The following SDK1 variants were observed in gnomAD, a reference collection of about 807,000 sequenced individuals.
The protein encoded by SDK1 is sidekick cell adhesion molecule 1, also known as protein sidekick-1.
A neutral mutation model predicts 245.5 loss-of-function variants in SDK1; 157 were observed. The observed-to-expected ratio is 0.64, with a 90% CI of 0.56 to 0.73. The LOEUF is 0.73. Among genes scored for constraint, SDK1 ranks in the 30% least tolerant of loss-of-function variants. The probability of loss-of-function intolerance (pLI) is 0.00; values close to 1 mark genes in which losing one functional copy is unlikely to be tolerated. For missense variants in SDK1, 3,583 were observed against 3,002.3 expected (o/e 1.19, Z -4.52); for synonymous variants, 1,647 against 1,278.5 (o/e 1.29, Z -6.15).
chr7:4,043,835 G>C (rs1583923382), intron 17 of SDK1, among the ~76,000 whole-genome samples: 1 of 152,002 alleles, frequency 6.6e-6, no homozygotes, highest in South Asian at 2.1e-4. Context: ...TGAAACCCCA[G>C]AGCTAAACCT....
chr7:3,489,911 A>G (rs1195189933), intron 1 of SDK1, among the ~76,000 whole-genome samples: 7 of 152,176 alleles, frequency 4.6e-5, no homozygotes, highest in Admixed American at 3.9e-4. Context: ...TGTCATGGAG[A>G]AATGATATTG....
chr7:3,957,991 A>G (rs1022192397), intron 7 of SDK1: 2 of 470,650 alleles, frequency 4.2e-6, no homozygotes, highest in African/African-American at 4.0e-5. Flanking sequence ...TTCCCCCTTA[A>G]TCGTTTCTTT....
intron 9 of SDK1, 74 bp from the exon 10 acceptor site, chr7:3,967,244 C>G: frequency 8.6e-7 from 1 of 1,157,896 alleles, no homozygotes; most frequent in Non-Finnish European, 1.3e-6. Flanking sequence ...AAAGCCCGTG[C>G]AGGATACTCT....
chr7:4,252,101 C>T (rs1787338691), intron 44 of SDK1, among the ~76,000 whole-genome samples: 1 of 152,122 alleles, frequency 6.6e-6, no homozygotes, highest in South Asian at 2.1e-4. Flanking sequence ...TACATGTGCA[C>T]AACGTGCAGG....
intron 1 of SDK1, among the ~76,000 whole-genome samples, chr7:3,597,667 G>C (rs1372689735): frequency 1.3e-5 from 2 of 152,138 alleles, no homozygotes; most frequent in African/African-American, 2.4e-5. Context: ...CTTCATTTTG[G>C]TTTGGTCTGG....
intron 2 of SDK1, among the ~76,000 whole-genome samples, chr7:3,621,922 C>T (rs991114119): frequency 1.3e-5 from 2 of 152,060 alleles, no homozygotes; most frequent in Admixed American, 6.5e-5. Flanking sequence ...GTTGAGAAAC[C>T]CTTCTGTTTT....
chr7:3,604,527 T>G (rs990766109), intron 1 of SDK1, among the ~76,000 whole-genome samples: 1 of 152,032 alleles, frequency 6.6e-6, no homozygotes, highest in Non-Finnish European at 1.5e-5. Context: ...ATGCTGTATT[T>G]TCATTGTTTT....
intron 1 of SDK1, among the ~76,000 whole-genome samples, chr7:3,359,969 C>A (rs1038196231): frequency 2.0e-5 from 3 of 152,214 alleles, no homozygotes; most frequent in Admixed American, 6.5e-5. Context: ...AACAGACACA[C>A]TCACAAAGAA....
chr7:4,222,098 C>G (rs1419539469), intron 40 of SDK1, among the ~76,000 whole-genome samples: 1 of 152,146 alleles, frequency 6.6e-6, no homozygotes, highest in Non-Finnish European at 1.5e-5. Flanking sequence ...ATTCAGGAAG[C>G]AAACCATCAA....
At chr7:3,902,654 T>C (rs1052576993) in intron 5 of SDK1, among the ~76,000 whole-genome samples, 2 of 152,218 alleles carry the variant, frequency 1.3e-5, no homozygotes, top group African/African-American at 4.8e-5. Flanking sequence ...ATATATAAAC[T>C]GTTAGTATAG....
chr7:4,219,829 C>T lies in SDK1; in HGVS notation c.5540-280C>T, dbSNP rs1042202746. Among the ~76,000 whole-genome samples, 5 of 150,974 alleles carry T rather than the reference C, an allele frequency of 3.3e-5. No homozygotes were observed. The South Asian group carries it at 6.4e-4, about 19-fold the overall frequency. On this transcript the variant is annotated intron_variant, in intron 38 of 44. Transcript: ENST00000404826. The stretch of plus-strand genomic sequence containing the variant: ...CGCCCCCGCTCCTCCCTCCCCTCCC[C>T]GCTCCTCCTTCATATCATTCCTGAG...
intron 1 of SDK1, among the ~76,000 whole-genome samples, chr7:3,473,250 C>A (rs1009364811): frequency 6.6e-6 from 1 of 152,208 alleles, no homozygotes; most frequent in African/African-American, 2.4e-5. Context: ...AAGCCTTTCA[C>A]TGTACACACT....
At chr7:3,611,385 G>A (rs753006052) in intron 1 of SDK1, among the ~76,000 whole-genome samples, 19 of 151,954 alleles carry the variant, frequency 1.3e-4, no homozygotes, top group Non-Finnish European at 2.4e-4. Context: ...CTCTTGCACC[G>A]CCGCCTCTAG....
intron 1 of SDK1, among the ~76,000 whole-genome samples, chr7:3,357,326 G>GTTTT (rs1780826215): frequency 2.0e-5 from 1 of 50,102 alleles, no homozygotes; most frequent in Non-Finnish European, 4.0e-5. Context: ...CCTTCTTTTA[G>GTTTT]TGTTTTTTTT....
In SDK1 at chr7:3,955,817, C is replaced by A. The variant is rs544550610; in HGVS notation, c.1151-3114C>A. 3.3e-5 allele frequency among the ~76,000 whole-genome samples: 5 copies of A among 152,324 alleles called. No homozygotes were observed. The South Asian group carries it at 1.0e-3, about 32-fold the overall frequency. ...TGCCTCCATTGGGCCTGAGCCTGCACTTTGTCACACTGGCATTTTGGAGAG... is the reference window on the plus strand; with the variant it reads ...TGCCTCCATTGGGCCTGAGCCTGCAATTTGTCACACTGGCATTTTGGAGAG... On this transcript the variant is annotated intron_variant, in intron 7 of 44. Transcript: ENST00000404826.
intron 1 of SDK1, among the ~76,000 whole-genome samples, chr7:3,384,613 G>A (rs532789089): frequency 6.6e-6 from 1 of 152,254 alleles, no homozygotes; most frequent in African/African-American, 2.4e-5. Flanking sequence ...GGACTTCGCT[G>A]ATTTGTGTTC....
chr7:3,388,500 A>C (rs984956820), intron 1 of SDK1, among the ~76,000 whole-genome samples: 10 of 152,130 alleles, frequency 6.6e-5, no homozygotes, highest in African/African-American at 2.4e-4. Flanking sequence ...TCCTAGGCTC[A>C]AGCGATCCCC....
chr7:4,131,698 C>T (rs1784830713), intron 27 of SDK1, among the ~76,000 whole-genome samples: 1 of 152,018 alleles, frequency 6.6e-6, no homozygotes, highest in African/African-American at 2.4e-5. Context: ...TTCAGCAGTT[C>T]CACCACACCT....
chr7:3,998,457 A>C (rs546897787), intron 14 of SDK1, among the ~76,000 whole-genome samples: 1 of 152,362 alleles, frequency 6.6e-6, no homozygotes, highest in East Asian at 1.9e-4. Context: ...TTTTATTTCT[A>C]AGCAAATTAT....
Sources: allele counts gnomAD v4.1 joint callset (sites outside exome capture counted in the v4.1 genomes callset), GRCh38; gene constraint gnomAD v4.1.1; transcripts MANE v1.5; gene names NCBI Gene and HGNC (gene_info 2026-07-23, HGNC 2026-07-21).